Variants in TUSC3 observed in about 807,000 individuals in gnomAD.
The protein encoded by TUSC3 is tumor suppressor candidate 3, also known as dolichyl-diphosphooligosaccharide--protein glycosyltransferase subunit TUSC3.
A neutral mutation model predicts 44.8 loss-of-function variants in TUSC3; 45 were observed. That is an observed-to-expected ratio of 1.00 (90% CI 0.79 to 1.29). TUSC3 has a LOEUF of 1.29. Among genes scored for constraint, TUSC3 ranks in the 50% most tolerant of loss-of-function variants. The probability of loss-of-function intolerance (pLI) is 0.00; values close to 1 mark genes in which losing one functional copy is unlikely to be tolerated. For missense variants in TUSC3, 519 were observed against 437.9 expected (o/e 1.19, Z -1.65); for synonymous variants, 212 against 152.9 (o/e 1.39, Z -2.85).
chr8:15,755,062 G>A (rs1811867336), intron 9 of TUSC3, among the ~76,000 whole-genome samples: 1 of 151,922 alleles, frequency 6.6e-6, no homozygotes, highest in Non-Finnish European at 1.5e-5. Flanking sequence ...TTCCCCTAAA[G>A]TTTACCCTTA....
the TUSC3 span, among the ~76,000 whole-genome samples, chr8:15,822,714 A>C: frequency 1.3e-5 from 2 of 152,138 alleles, no homozygotes; most frequent in African/African-American, 4.8e-5. Flanking sequence ...TGAGGTATGA[A>C]AAGCAGGAAA....
intron 3 of TUSC3, among the ~76,000 whole-genome samples, chr8:15,653,954 C>G (rs910732575): frequency 1.3e-5 from 2 of 152,032 alleles, no homozygotes; most frequent in Admixed American, 6.6e-5. Flanking sequence ...ATATGTGATT[C>G]CCATAGGAAT....
chr8:15,780,561 C>T, the TUSC3 span, among the ~76,000 whole-genome samples: 2 of 152,188 alleles, frequency 1.3e-5, no homozygotes, highest in Admixed American at 1.3e-4. Flanking sequence ...AGGCACTTGC[C>T]AGCATACTCT....
chr8:15,442,064 C>A (rs913861899), intron 1 of TUSC3, among the ~76,000 whole-genome samples: 1 of 152,070 alleles, frequency 6.6e-6, no homozygotes, highest in Admixed American at 6.6e-5. Flanking sequence ...AAATGGCTTT[C>A]AGAAAACATT....
intron 1 of TUSC3, among the ~76,000 whole-genome samples, chr8:15,432,732 C>A (rs963895060): frequency 6.6e-6 from 1 of 152,002 alleles, no homozygotes; most frequent in African/African-American, 2.4e-5. Flanking sequence ...ATGTGCATCT[C>A]GGATCCCCTC....
At chr8:15,483,462 T>A (rs994590872) in exon 2 of TUSC3, 6 of 159,458 alleles carry the variant, frequency 3.8e-5, no homozygotes, top group African/African-American at 1.4e-4. Context: ...TGCCTCAGTC[T>A]CCCAAGTAGC....
At chr8:15,573,202 C>CTCTCTATA (rs1435847916) in intron 1 of TUSC3, among the ~76,000 whole-genome samples, 70 of 74,150 alleles carry the variant, frequency 9.4e-4, no homozygotes, top group Admixed American at 1.3e-3. Flanking sequence ...CTCTCTCTCT[C>CTCTCTATA]TATATATATA....
chr8:15,703,569 C>T (rs1809493164), intron 6 of TUSC3, among the ~76,000 whole-genome samples: 1 of 152,066 alleles, frequency 6.6e-6, no homozygotes, highest in African/African-American at 2.4e-5. Flanking sequence ...TTTGGGTCAC[C>T]ATTCTGCAGG....
chr8:15,816,018 T>C, the TUSC3 span, among the ~76,000 whole-genome samples: 1 of 152,256 alleles, frequency 6.6e-6, no homozygotes, highest in East Asian at 1.9e-4. Context: ...AGGTACTAGA[T>C]ATATTAAATC....
intron 3 of TUSC3, among the ~76,000 whole-genome samples, chr8:15,658,382 C>G (rs1286364452): frequency 6.6e-6 from 1 of 151,958 alleles, no homozygotes; most frequent in Non-Finnish European, 1.5e-5. Flanking sequence ...TAGGGCAAGA[C>G]CTGTTTTGGT....
chr8:15,744,016 C>G (rs1276699498), intron 8 of TUSC3, among the ~76,000 whole-genome samples: 2 of 152,202 alleles, frequency 1.3e-5, no homozygotes, highest in Non-Finnish European at 2.9e-5. Flanking sequence ...CAAAGCGTGA[C>G]TTAGATGAAG....
chr8:15,516,064 C>T (rs1801212540), intron 2 of TUSC3, among the ~76,000 whole-genome samples: 1 of 152,128 alleles, frequency 6.6e-6, no homozygotes, highest in South Asian at 2.1e-4. Flanking sequence ...TTTTAGAGGA[C>T]TTCAGAAGAA....
At chr8:15,530,200 G>T (rs4831740) in intron 2 of TUSC3, among the ~76,000 whole-genome samples, 136,314 of 151,914 alleles carry the variant, frequency 0.9, 61,677 homozygotes, top group South Asian at 0.96. Flanking sequence ...GCAGCTATAA[G>T]GACAGTTTGA....
Position 15,707,777 on chromosome 8 carries a change from C to T in TUSC3, c.799-22889C>T, listed in dbSNP as rs151172920. On this transcript the variant is annotated intron_variant, in intron 6 of 10. Transcript: ENST00000503731. ...GCTGTCACAACAAAATGCCACAAAC[C>T]GGGTAACTTTAAAACAACACAAATT... Among the ~76,000 whole-genome samples, 445 of 151,942 alleles carry T rather than the reference C, an allele frequency of 2.9e-3. 1 individual carries two copies. The highest frequency in any genetic ancestry group is 9.3e-3 in the African/African-American group (387 of 41,488).
At chr8:15,707,149 TGA>T (rs1286057636) in intron 6 of TUSC3, among the ~76,000 whole-genome samples, 1 of 152,046 alleles carries the variant, frequency 6.6e-6, no homozygotes, top group Non-Finnish European at 1.5e-5. Context: ...ATGGTATATT[TGA>T]GAGTTAGTCA....
rs71211069 is a variant in TUSC3, at chr8:15,681,559, C to CTT, written c.798+7733_798+7734dup. On this transcript the variant is annotated intron_variant, in intron 6 of 10. Coordinates refer to ENST00000503731, the MANE Select transcript of TUSC3 (RefSeq NM_006765.4). Reference sequence around the variant, plus strand: ...GATTGTGCTTATTTGGATCTTTTCTCTTTTTTTTTTTCTTTATTAGCCAGT... The same window carrying CTT: ...GATTGTGCTTATTTGGATCTTTTCTCTTTTTTTTTTTTTCTTTATTAGCCAGT... Among the ~76,000 whole-genome samples, 990 of 145,918 alleles carry CTT rather than the reference C, an allele frequency of 6.8e-3. 7 individuals are homozygous for CTT. Among genetic ancestry groups the CTT allele is most frequent in the African/African-American group, 0.012 (461 of 40,066 alleles).
chr8:15,441,456 A>G (rs1280747381), intron 1 of TUSC3, among the ~76,000 whole-genome samples: 8 of 152,204 alleles, frequency 5.3e-5, no homozygotes, highest in African/African-American at 1.2e-4. Flanking sequence ...TATAAAAATA[A>G]TATTTATTAA....
chr8:15,836,755 A>G, the TUSC3 span, among the ~76,000 whole-genome samples: 2 of 152,146 alleles, frequency 1.3e-5, no homozygotes, highest in East Asian at 3.8e-4. Context: ...TGTCACATAT[A>G]CTTTCACCTC....
chr8:15,492,448 GA>G (rs547473699), intron 2 of TUSC3, among the ~76,000 whole-genome samples: 15 of 152,240 alleles, frequency 9.9e-5, no homozygotes, highest in Non-Finnish European at 2.1e-4. Context: ...TCAGTAGGGG[GA>G]AAGTCACAAA....
Sources: gnomAD v4.1 joint callset for allele counts (sites outside exome capture counted in the v4.1 genomes callset) on GRCh38, gnomAD v4.1.1 for gene constraint, MANE v1.5 for transcripts, NCBI Gene and HGNC (gene_info 2026-07-23, HGNC 2026-07-21) for gene names.